INTS9: variants seen among roughly 807,000 people sequenced by gnomAD.
INTS9 encodes integrator complex subunit 9, also known as protein related to CPSF subunits of 74 kDa.
In INTS9, 55 loss-of-function variants were observed where a neutral mutation model predicts 79.7. That is an observed-to-expected ratio of 0.69 (90% CI 0.56 to 0.86). INTS9 has a LOEUF of 0.86. Among genes scored for constraint, INTS9 ranks in the 40% least tolerant of loss-of-function variants. The probability of loss-of-function intolerance (pLI) is 0.00; values close to 1 mark genes in which losing one functional copy is unlikely to be tolerated. For synonymous variants in INTS9, 319 were observed against 325.2 expected (o/e 0.98, Z 0.20); for missense variants, 721 against 831.5 (o/e 0.87, Z 1.64).
chr8:28,780,794 C>A (rs1803210629), intron 12 of INTS9, 29 bp downstream of exon 12: 2 of 1,610,646 alleles, frequency 1.2e-6, no homozygotes, highest in South Asian at 1.1e-5. Context: ...TGGAGAGAAC[C>A]AATTTGTTTC....
Position 28,849,231 on chromosome 8 carries a change from TAC to T in INTS9, c.198+980_198+981del, listed in dbSNP as rs1023916801. On this transcript the variant is annotated intron_variant, in intron 3 of 16. Transcript: ENST00000521022. Reference sequence around the variant, plus strand: ...ACTAAGAATTGGCCTGAGGGGGCTTTACAGTCTTTAACCTTCTTATACCTCTG... The same window carrying T: ...ACTAAGAATTGGCCTGAGGGGGCTTTAGTCTTTAACCTTCTTATACCTCTG... 3.4e-4 allele frequency among the ~76,000 whole-genome samples: 52 copies of T among 152,344 alleles called. 1 individual carries two copies. Among genetic ancestry groups the T allele is most frequent in the East Asian group, 2.1e-3 (11 of 5,184 alleles).
chr8:28,883,294 A>G (rs1809996205), intron 1 of INTS9, among the ~76,000 whole-genome samples: 1 of 152,172 alleles, frequency 6.6e-6, no homozygotes, highest in African/African-American at 2.4e-5. Context: ...TTATGGCACC[A>G]TATTTTTATC....
At chr8:28,812,689 C>T (rs1805222731) in intron 7 of INTS9, among the ~76,000 whole-genome samples, 1 of 152,002 alleles carries the variant, frequency 6.6e-6, no homozygotes, top group African/African-American at 2.4e-5. Context: ...CCTGTCTCTA[C>T]AAAAAAATAC....
chr8:28,863,652 T>G (rs1477514063), intron 1 of INTS9, among the ~76,000 whole-genome samples: 1 of 152,126 alleles, frequency 6.6e-6, no homozygotes, highest in Non-Finnish European at 1.5e-5. Flanking sequence ...GGCGAGTGCC[T>G]GTAATCCCAG....
chr8:28,779,939 G>GC (rs1003451256), intron 12 of INTS9, among the ~76,000 whole-genome samples: 9 of 152,084 alleles, frequency 5.9e-5, no homozygotes, highest in African/African-American at 2.2e-4. Context: ...TGTGCCTGGT[G>GC]CCCAGAGTGA....
In INTS9 at chr8:28,866,751, C is replaced by T. The variant is rs111537393; in HGVS notation, c.10-7188G>A. Among the ~76,000 whole-genome samples, 143 of 139,318 alleles carry T rather than the reference C, an allele frequency of 1.0e-3. No individual in the cohort carries two copies. In the East Asian group the frequency reaches 0.027, roughly 26 times the overall value. The allele number at this position is 139,318 out of a possible 152,430, so 91.4% of individuals were successfully genotyped here. A position where few individuals can be genotyped will look rare whatever the true frequency, so the allele number is the denominator to read the frequency against. On this transcript the variant is annotated intron_variant, in intron 1 of 16. Transcript: ENST00000521022. ...CAGCACTTTGGGAGGCCGAGGCGGG[C>T]GGGTCATGAGGTCAGGAGATCGAGA...
chr8:28,870,867 A>C (rs1809052613), intron 1 of INTS9, among the ~76,000 whole-genome samples: 1 of 152,202 alleles, frequency 6.6e-6, no homozygotes, highest in Non-Finnish European at 1.5e-5. Flanking sequence ...TCTTTGAACA[A>C]ATATGCTTCT....
At chr8:28,833,661 CAAAAGA>C (rs1230551772) in intron 6 of INTS9, among the ~76,000 whole-genome samples, 4 of 143,542 alleles carry the variant, frequency 2.8e-5, no homozygotes, top group Admixed American at 7.0e-5. Context: ...AAAAAAAAAA[CAAAAGA>C]AAAAGAAAAA....
At chr8:28,790,174 A>C (rs1803843790) in intron 10 of INTS9, among the ~76,000 whole-genome samples, 1 of 152,210 alleles carries the variant, frequency 6.6e-6, no homozygotes, top group Non-Finnish European at 1.5e-5. Context: ...CCTGAGGCTG[A>C]GCACAGAGCA....
intron 6 of INTS9, among the ~76,000 whole-genome samples, chr8:28,827,783 T>A (rs1806237423): frequency 6.6e-6 from 1 of 152,254 alleles, no homozygotes; most frequent in African/African-American, 2.4e-5. Context: ...ATCTTTGCTC[T>A]AATCCTATGC....
intron 1 of INTS9, among the ~76,000 whole-genome samples, chr8:28,870,153 A>T (rs1438576920): frequency 2.0e-5 from 3 of 152,050 alleles, no homozygotes; most frequent in Non-Finnish European, 4.4e-5. Context: ...TATATATGTG[A>T]CTGTTTGTTA....
At chr8:28,818,989 G>A (rs369475364) in intron 6 of INTS9, among the ~76,000 whole-genome samples, 9 of 151,920 alleles carry the variant, frequency 5.9e-5, no homozygotes, top group Admixed American at 1.3e-4. Context: ...CTGTGGGATC[G>A]GTGGTGATAT....
chr8:28,795,708 G>A (rs1036075788), intron 9 of INTS9, among the ~76,000 whole-genome samples: 2 of 149,352 alleles, frequency 1.3e-5, no homozygotes, highest in South Asian at 4.2e-4. Flanking sequence ...TTCTCCACAT[G>A]AGGACACTGC....
intron 12 of INTS9, 26 bp from the exon 13 acceptor site, chr8:28,777,979 T>G (rs1259468388): frequency 2.5e-6 from 4 of 1,592,036 alleles, no homozygotes; most frequent in Non-Finnish European, 3.4e-6. Flanking sequence ...GAAAGAAATC[T>G]TACAATGCAG....
chr8:28,878,367 C>A (rs1809503972), intron 1 of INTS9, among the ~76,000 whole-genome samples: 1 of 151,824 alleles, frequency 6.6e-6, no homozygotes, highest in Admixed American at 6.6e-5. Flanking sequence ...GGCTGGAGTG[C>A]AGTGGAGCGA....
chr8:28,775,646 G>A (rs73237159), intron 14 of INTS9, 113 bp downstream of exon 14: 24,766 of 1,161,002 alleles, frequency 0.021, 328 homozygotes, highest in Non-Finnish European at 0.025. Flanking sequence ...GCTACTGCGC[G>A]CAGCCTGGTT....
chr8:28,773,277 C>T (rs1204743742), intron 14 of INTS9, among the ~76,000 whole-genome samples: 2 of 151,996 alleles, frequency 1.3e-5, no homozygotes, highest in Non-Finnish European at 2.9e-5. Flanking sequence ...TCCTGGCTAA[C>T]ACGATGAAAC....
intron 8 of INTS9, among the ~76,000 whole-genome samples, chr8:28,809,380 C>T (rs1804982198): frequency 6.6e-6 from 1 of 152,202 alleles, no homozygotes; most frequent in South Asian, 2.1e-4. Flanking sequence ...AGTTTGCTAA[C>T]ATCTGCATTA....
intron 6 of INTS9, among the ~76,000 whole-genome samples, chr8:28,834,126 T>C (rs1476615465): frequency 6.6e-6 from 1 of 152,158 alleles, no homozygotes; most frequent in Non-Finnish European, 1.5e-5. Flanking sequence ...TTACAACTCT[T>C]ACCAGTTCTT....
Sources: allele counts gnomAD v4.1 joint callset (sites outside exome capture counted in the v4.1 genomes callset), GRCh38; gene constraint gnomAD v4.1.1; transcripts MANE v1.5; gene names NCBI Gene and HGNC (gene_info 2026-07-23, HGNC 2026-07-21).